Variants in GRIK4 observed in about 807,000 individuals in gnomAD.
GRIK4 encodes glutamate ionotropic receptor kainate type subunit 4, also known as glutamate receptor ionotropic, kainate 4.
GRIK4 carries 40 observed loss-of-function variants against 104.9 expected under a neutral mutation model. The observed-to-expected ratio is 0.38, with a 90% CI of 0.30 to 0.50. GRIK4 has a LOEUF of 0.50. Among genes scored for constraint, GRIK4 ranks in the 20% least tolerant of loss-of-function variants. The probability of loss-of-function intolerance (pLI) is 0.93; values close to 1 mark genes in which losing one functional copy is unlikely to be tolerated. For missense variants in GRIK4, 1,047 were observed against 1,308.1 expected, an observed-to-expected ratio of 0.80 and a Z score of 3.08; for synonymous variants, 485 against 524.9, an observed-to-expected ratio of 0.92 and a Z score of 1.04.
At chr11:120,797,190 A>C (rs1197132408) in intron 3 of GRIK4, among the ~76,000 whole-genome samples, 3 of 152,060 alleles carry the variant, frequency 2.0e-5, no homozygotes, top group African/African-American at 7.2e-5. Context: ...CTCTGAACGC[A>C]TCTCCCCATC....
chr11:120,598,212 T>C (rs1948831740), intron 1 of GRIK4, among the ~76,000 whole-genome samples: 1 of 152,204 alleles, frequency 6.6e-6, no homozygotes, highest in Non-Finnish European at 1.5e-5. Flanking sequence ...GAGCCCTTGC[T>C]GTGCATCCGA....
intron 1 of GRIK4, among the ~76,000 whole-genome samples, chr11:120,647,450 GA>G (rs1309157645): frequency 6.6e-6 from 1 of 152,208 alleles, no homozygotes; most frequent in Non-Finnish European, 1.5e-5. Context: ...TTGCCTGGAG[GA>G]TAAAGTCCAA....
chr11:120,610,102 G>A (rs182972536), intron 1 of GRIK4, among the ~76,000 whole-genome samples: 22 of 152,144 alleles, frequency 1.4e-4, no homozygotes, highest in Admixed American at 5.2e-4. Flanking sequence ...TCTTGGTTTC[G>A]CTTTGTTTTT....
intron 3 of GRIK4, among the ~76,000 whole-genome samples, chr11:120,670,410 C>G (rs1949995022): frequency 6.6e-6 from 1 of 152,256 alleles, no homozygotes; most frequent in South Asian, 2.1e-4. Context: ...ACAGGGCGGT[C>G]CATGAACTGC....
At chr11:120,724,115 T>C (rs1167010991) in intron 3 of GRIK4, among the ~76,000 whole-genome samples, 1 of 152,200 alleles carries the variant, frequency 6.6e-6, no homozygotes, top group African/African-American at 2.4e-5. Flanking sequence ...CAATCATCCA[T>C]GTTGTTGCCT....
At chr11:120,886,619 G>A (rs1032602645) in intron 11 of GRIK4, among the ~76,000 whole-genome samples, 7 of 152,102 alleles carry the variant, frequency 4.6e-5, no homozygotes, top group South Asian at 2.1e-4. Context: ...AAAATGGTTC[G>A]GTATTCCCTA....
intron 1 of GRIK4, among the ~76,000 whole-genome samples, chr11:120,527,066 C>T (rs7103982): frequency 0.069 from 10,542 of 152,310 alleles, 416 homozygotes; most frequent in Middle Eastern, 0.088. Flanking sequence ...GCAGAAGTTG[C>T]CCAAAGTCAC....
intron 13 of GRIK4, among the ~76,000 whole-genome samples, chr11:120,929,760 C>G (rs1025976222): frequency 1.3e-5 from 2 of 152,108 alleles, no homozygotes; most frequent in Non-Finnish European, 2.9e-5. Context: ...CACATGACAC[C>G]GTCCAAGGTG....
At chr11:120,606,853 C>G (rs1318431269) in intron 1 of GRIK4, among the ~76,000 whole-genome samples, 3 of 152,130 alleles carry the variant, frequency 2.0e-5, no homozygotes, top group Non-Finnish European at 2.9e-5. Context: ...CCAGTCAGGG[C>G]GTGCTGCTGG....
chr11:120,977,643 C>T (rs534326242), intron 19 of GRIK4, among the ~76,000 whole-genome samples: 9 of 152,296 alleles, frequency 5.9e-5, no homozygotes, highest in Non-Finnish European at 1.2e-4. Context: ...GCCACTCAGC[C>T]AGGAATCAGG....
At chr11:120,723,892 G>A (rs1282922535) in intron 3 of GRIK4, among the ~76,000 whole-genome samples, 1 of 152,038 alleles carries the variant, frequency 6.6e-6, no homozygotes, top group Non-Finnish European at 1.5e-5. Context: ...ATGCATGCAA[G>A]CATGTAACCA....
chr11:120,830,165 A>C, intron 6 of GRIK4, among the ~76,000 whole-genome samples: 1 of 149,868 alleles, frequency 6.7e-6, no homozygotes, highest in Non-Finnish European at 1.5e-5. Context: ...CTCCAACTCC[A>C]CTACCCTCTC....
chr11:120,633,401 C>T (rs1044999615), intron 1 of GRIK4, among the ~76,000 whole-genome samples: 7 of 152,106 alleles, frequency 4.6e-5, no homozygotes, highest in African/African-American at 1.7e-4. Flanking sequence ...GACGCTGGCC[C>T]CTCTTAATCG....
intron 1 of GRIK4, among the ~76,000 whole-genome samples, chr11:120,629,883 C>G (rs937161677): frequency 8.5e-5 from 13 of 152,320 alleles, no homozygotes; most frequent in African/African-American, 2.6e-4. Context: ...GGGCAGGGGC[C>G]TCTCTGCTGA....
intron 1 of GRIK4, among the ~76,000 whole-genome samples, chr11:120,563,282 G>C (rs1948263900): frequency 6.6e-6 from 1 of 152,152 alleles, no homozygotes; most frequent in South Asian, 2.1e-4. Context: ...TGGCCACTTG[G>C]AAGGCGGCTG....
chr11:120,891,872 A>G (rs758089211), intron 11 of GRIK4, among the ~76,000 whole-genome samples: 5 of 152,208 alleles, frequency 3.3e-5, no homozygotes, highest in Non-Finnish European at 7.3e-5. Flanking sequence ...GTAGATCAAG[A>G]TTCAGCAAAT....
At chr11:120,615,768 C>T (rs1442556347) in intron 1 of GRIK4, among the ~76,000 whole-genome samples, 1 of 152,194 alleles carries the variant, frequency 6.6e-6, no homozygotes, top group Non-Finnish European at 1.5e-5. Flanking sequence ...TAACTGGGTG[C>T]TCAGTTTTCA....
rs968793273 is a variant in GRIK4 at position 120,511,900 on chromosome 11, GC to G, written c.-159+19del. 4 of 162,158 alleles carry G rather than the reference GC, an allele frequency of 2.5e-5. No homozygotes were observed. The highest frequency in any genetic ancestry group is 1.4e-4 in the South Asian group (1 of 7,174). The allele number at this position is 162,158 out of a possible 1,614,324, so 10.0% of individuals were successfully genotyped here. The stretch of plus-strand genomic sequence containing the variant: ...CGGAGCCGACCAGGTAAGGGCAGCG[GC>G]CCCCCGCGGCGCCCCCGGCCCGCTC... On this transcript the variant is annotated intron_variant, in intron 1 of 20. Transcript: ENST00000527524.
chr11:120,789,285 C>G (rs1311231303), intron 3 of GRIK4, among the ~76,000 whole-genome samples: 2 of 151,862 alleles, frequency 1.3e-5, no homozygotes, highest in African/African-American at 4.8e-5. Flanking sequence ...TCTCCAAAAA[C>G]AAAAAAAGAA....
Sources: gnomAD v4.1 joint callset for allele counts (sites outside exome capture counted in the v4.1 genomes callset) on GRCh38, gnomAD v4.1.1 for gene constraint, MANE v1.5 for transcripts, NCBI Gene and HGNC (gene_info 2026-07-23, HGNC 2026-07-21) for gene names.